The following DMD variants were observed in gnomAD, a reference collection of about 807,000 sequenced individuals.
DMD encodes dystrophin.
A neutral mutation model predicts 330.1 loss-of-function variants in DMD; 63 were observed. The ratio of observed to expected loss-of-function variants is 0.19; its 90% CI spans 0.16 to 0.24. DMD has a LOEUF of 0.24. DMD is among the 10% of genes least tolerant of loss of function. The probability of loss-of-function intolerance (pLI) is 1.00; values close to 1 mark genes in which losing one functional copy is unlikely to be tolerated. For synonymous variants in DMD, 1,223 were observed against 959.8 expected (o/e 1.27, Z -5.07); for missense variants, 3,344 against 2,684.1 (o/e 1.25, Z -5.43).
chrX:32,448,726 C>G lies in DMD; in HGVS notation c.3604-88G>C. ...TATGAATCATATAATTTCTTTCTCA[C>G]AACATCCCAGTTAGAATGAGAATTA... On this transcript the variant is annotated intron_variant, in intron 26 of 78. Coordinates refer to ENST00000357033, the MANE Select transcript of DMD (RefSeq NM_004006.3). 3.6e-6 allele frequency: 3 copies of G among 830,726 alleles called. No homozygotes were observed. In the South Asian group the frequency reaches 8.5e-5, roughly 24 times the overall value. The allele number at this position is 830,726 out of a possible 1,213,427, so 68.5% of individuals were successfully genotyped here.
chrX:32,931,945 T>C, intron 2 of DMD, among the ~76,000 whole-genome samples: 1 of 111,823 alleles, frequency 8.9e-6, no homozygotes, highest in East Asian at 2.8e-4. Flanking sequence ...TTCTGTAAAG[T>C]GGAAAGTCCC....
intron 48 of DMD, 130 bp from the exon 49 acceptor site, chrX:31,836,949 AATGT>A: frequency 1.9e-6 from 1 of 533,858 alleles, no homozygotes; most frequent in Non-Finnish European, 3.1e-6. Context: ...AGGGCACAAA[AATGT>A]AGCTTTTGGT....
At chrX:32,376,945 G>A (rs969963440) in intron 34 of DMD, among the ~76,000 whole-genome samples, 1 of 111,129 alleles carries the variant, frequency 9.0e-6, no homozygotes, top group Non-Finnish European at 1.9e-5. Flanking sequence ...AAATTTCCTC[G>A]ATTATATAAC....
intron 1 of DMD, among the ~76,000 whole-genome samples, chrX:33,219,306 TTGTGTGTGTG>T (rs56332488): frequency 0.016 from 1,179 of 72,962 alleles, 26 homozygotes; most frequent in African/African-American, 0.043. Context: ...TTAGAGATTA[TTGTGTGTGTG>T]TGTGTGTGTG....
chrX:33,059,294 T>C (rs930964340), intron 1 of DMD, among the ~76,000 whole-genome samples: 6 of 111,357 alleles, frequency 5.4e-5, no homozygotes, highest in African/African-American at 2.0e-4. Flanking sequence ...CTAATATTCT[T>C]TTATCCCTTA....
At chrX:31,908,593 G>A (rs1300219083) in intron 47 of DMD, among the ~76,000 whole-genome samples, 1 of 109,878 alleles carries the variant, frequency 9.1e-6, no homozygotes, top group Non-Finnish European at 1.9e-5. Context: ...GGGAGGGATA[G>A]CATTAGGAGA....
Position 31,427,320 on chromosome X carries a change from T to C in DMD, c.9084+17161A>G, listed in dbSNP as rs1026483673. Among the ~76,000 whole-genome samples, 9 of 111,417 alleles carry C rather than the reference T, an allele frequency of 8.1e-5. No homozygotes were observed. The Admixed American group carries it at 8.6e-4, about 11-fold the overall frequency. On this transcript the variant is annotated intron_variant, in intron 60 of 78. Transcript: ENST00000357033. ...CTCATTGCTCGAGTCTAAGCTCAAA[T>C]GTCACCCCTTGTGCAAAATTTATTG... is the stretch of plus-strand genomic sequence containing the variant.
intron 41 of DMD, among the ~76,000 whole-genome samples, chrX:32,326,768 G>T (rs924676591): frequency 9.1e-6 from 1 of 109,984 alleles, no homozygotes; most frequent in African/African-American, 3.3e-5. Context: ...TTAGCCAGGC[G>T]TGATGGCGGT....
At chrX:31,347,050 C>G (rs1033653200) in intron 61 of DMD, among the ~76,000 whole-genome samples, 1 of 58,933 alleles carries the variant, frequency 1.7e-5, no homozygotes, top group South Asian at 1.0e-3. Flanking sequence ...AGGATGCAAA[C>G]AGTTAGGGAA....
chrX:32,824,494 T>C (rs2078530585), intron 4 of DMD, among the ~76,000 whole-genome samples: 1 of 111,828 alleles, frequency 8.9e-6, no homozygotes, highest in South Asian at 3.7e-4. Context: ...AAAAAGTCAT[T>C]CTGAAAGGGT....
At chrX:32,462,004 G>C (rs992739825) in intron 25 of DMD, among the ~76,000 whole-genome samples, 2 of 108,903 alleles carry the variant, frequency 1.8e-5, no homozygotes, top group Non-Finnish European at 1.9e-5. Context: ...TTTGCCTTTT[G>C]ACATTACTTC....
At chrX:32,809,141 GCTGATTACT>G (rs2077160518) in intron 7 of DMD, among the ~76,000 whole-genome samples, 3 of 111,364 alleles carry the variant, frequency 2.7e-5, no homozygotes, top group Non-Finnish European at 5.7e-5. Context: ...ATTAATTATA[GCTGATTACT>G]CTATCAAATC....
intron 60 of DMD, among the ~76,000 whole-genome samples, chrX:31,350,383 T>A (rs2058325682): frequency 8.9e-6 from 1 of 112,289 alleles, no homozygotes; most frequent in Non-Finnish European, 1.9e-5. Context: ...CTGAAGCACT[T>A]CTATCATATA....
intron 61 of DMD, among the ~76,000 whole-genome samples, chrX:31,336,189 T>C (rs1049704037): frequency 1.8e-5 from 2 of 112,652 alleles, no homozygotes; most frequent in African/African-American, 6.5e-5. Context: ...TATTTAGTGT[T>C]CCACATGACT....
intron 19 of DMD, among the ~76,000 whole-genome samples, chrX:32,498,875 C>G (rs1310969106): frequency 9.0e-6 from 1 of 111,466 alleles, no homozygotes; most frequent in African/African-American, 3.3e-5. Flanking sequence ...TACATTGTAA[C>G]CATGGTAAAT....
In DMD at chrX:32,737,897, A is replaced by C. The variant is rs2068731442; in HGVS notation, c.650-38604T>G. Among the ~76,000 whole-genome samples the C allele has an allele frequency of 6.2e-5, 7 of 112,051 alleles. No homozygotes were observed. In the South Asian group the frequency reaches 2.6e-3, roughly 41 times the overall value. ...TTATTTTTGCCCTCACAAAAAATAA[A>C]CTTATAACTGACAAAAAAATAAAAA... On this transcript the variant is annotated intron_variant, in intron 7 of 78. Coordinates refer to ENST00000357033, the MANE Select transcript of DMD (RefSeq NM_004006.3).
Position 32,467,632 on chromosome X carries a change from GTATA to G in DMD, c.3162+862_3162+865del, listed in dbSNP as rs5902033. On this transcript the variant is annotated intron_variant, in intron 23 of 78. Coordinates refer to ENST00000357033, the MANE Select transcript of DMD (RefSeq NM_004006.3). ...CATGATATATAATTCCATTATACACGTATATATATATATATATACACACATATAT... is the reference window on the plus strand; with the variant it reads ...CATGATATATAATTCCATTATACACGTATATATATATATACACACATATAT... Among the ~76,000 whole-genome samples the G allele has an allele frequency of 3.2e-3, 325 of 100,007 alleles. 1 individual carries two copies. Among genetic ancestry groups the G allele is most frequent in the Middle Eastern group, 5.3e-3 (1 of 187 alleles). The allele number at this position is 100,007 out of a possible 115,157, so 86.8% of individuals were successfully genotyped here.
At chrX:32,235,771 C>T (rs2097185456) in intron 43 of DMD, among the ~76,000 whole-genome samples, 1 of 111,346 alleles carries the variant, frequency 9.0e-6, no homozygotes, top group East Asian at 2.8e-4. Context: ...TCTTATAATG[C>T]CTTAACATGG....
intron 60 of DMD, among the ~76,000 whole-genome samples, chrX:31,409,404 A>G (rs1384038330): frequency 1.8e-5 from 2 of 111,728 alleles, no homozygotes; most frequent in Non-Finnish European, 3.8e-5. Flanking sequence ...ACACAACCAC[A>G]AGAGCTCTGG....
Sources: gnomAD v4.1 joint callset for allele counts (sites outside exome capture counted in the v4.1 genomes callset) on GRCh38, gnomAD v4.1.1 for gene constraint, MANE v1.5 for transcripts, NCBI Gene and HGNC (gene_info 2026-07-23, HGNC 2026-07-21) for gene names.